The following PRAG1 variants were observed in gnomAD, a reference collection of about 807,000 sequenced individuals.
PRAG1 encodes the protein inactive tyrosine-protein kinase PRAG1.
In PRAG1, 110 loss-of-function variants were observed where a neutral mutation model predicts 95.6. That is an observed-to-expected ratio of 1.15 (90% CI 0.99 to 1.35). The LOEUF (loss-of-function observed/expected upper bound fraction) is 1.35, where lower values mean the gene tolerates loss of function less well. PRAG1 is among the 40% of genes most tolerant of loss of function. The pLI is 0.00. For synonymous variants in PRAG1, 1,052 were observed against 819.4 expected (o/e 1.28, Z -4.85); for missense variants, 2,554 against 1,864.7 (o/e 1.37, Z -6.81).
At chr8:8,352,011 G>A (rs1799536578) in intron 3 of PRAG1, among the ~76,000 whole-genome samples, 1 of 152,066 alleles carries the variant, frequency 6.6e-6, no homozygotes, top group African/African-American at 2.4e-5. Context: ...TGTGTTTCTA[G>A]ACTAATGGTT....
rs190117736 is a variant in PRAG1, at chr8:8,336,404, T to C, written c.2320+3074A>G. ...AAAACCTTCCCCTTGGCAGCCTTCA[T>C]GGATCTGTCCTGACACATGCAGTCT... On this transcript the variant is annotated intron_variant, in intron 4 of 5. Transcript: ENST00000615670. 5.3e-3 allele frequency among the ~76,000 whole-genome samples: 801 copies of C among 152,322 alleles called. 12 individuals carry two copies. Among genetic ancestry groups the C allele is most frequent in the Non-Finnish European group, 5.0e-3 (340 of 68,022 alleles).
intron 3 of PRAG1, among the ~76,000 whole-genome samples, chr8:8,365,964 T>TGAGAC (rs1799989443): frequency 6.6e-6 from 1 of 151,712 alleles, no homozygotes; most frequent in African/African-American, 2.4e-5. Flanking sequence ...GGTGACAGAG[T>TGAGAC]GAGACCCTGT....
intron 3 of PRAG1, among the ~76,000 whole-genome samples, chr8:8,365,813 C>T (rs906219355): frequency 2.0e-5 from 3 of 150,366 alleles, no homozygotes; most frequent in Non-Finnish European, 4.4e-5. Flanking sequence ...TATACACACA[C>T]ATATATATAT....
chr8:8,323,913 G>A (rs755276962), intron 5 of PRAG1, among the ~76,000 whole-genome samples: 4 of 152,296 alleles, frequency 2.6e-5, no homozygotes, highest in East Asian at 3.9e-4. Context: ...AAATTTGAGC[G>A]GGTAGATGAT....
At chr8:8,346,524 G>C (rs1799347835) in intron 3 of PRAG1, among the ~76,000 whole-genome samples, 1 of 152,178 alleles carries the variant, frequency 6.6e-6, no homozygotes, top group South Asian at 2.1e-4. Flanking sequence ...TCCTTAGAGA[G>C]AGGTCTTGCC....
In PRAG1 at chr8:8,377,016, C is replaced by T; in HGVS notation, c.1393G>A (p.Asp465Asn). Residue 465 changes from aspartate (D) to asparagine (N), a missense_variant, in exon 3 of 6, where the codon GAC becomes AAC. Asp to Asn is a conservative substitution (Grantham distance 23, BLOSUM62 1). Coordinates refer to ENST00000615670, the MANE Select transcript of PRAG1 (RefSeq NM_001080826.3). The part of the protein sequence containing the change: ...AASGWGRDSP[D>N]PTPQVSATIT... Reference sequence around the variant, plus strand: ...GTGGCTGACACCTGGGGAGTTGGGTCTGGGCTGTCCCGGCCCCAGCCAGAT... The same window carrying T: ...GTGGCTGACACCTGGGGAGTTGGGTTTGGGCTGTCCCGGCCCCAGCCAGAT... The T allele has an allele frequency of 1.2e-6, 2 of 1,613,890 alleles. No homozygotes were observed. Among genetic ancestry groups the T allele is most frequent in the Non-Finnish European group, 1.7e-6 (2 of 1,179,974 alleles).
At position 8,381,403 on chromosome 8, in the gene PRAG1, G is replaced by C. The variant is rs769641162; in HGVS notation, c.330+15C>G. ...CAGCCCCTGTAAAAATACCACGAGT[G>C]TTAGTCAGCCTCACCTGCGAGACTT... is the stretch of plus-strand genomic sequence containing the variant. On this transcript the variant is annotated intron_variant, in intron 2 of 5. Coordinates refer to ENST00000615670, the MANE Select transcript of PRAG1 (RefSeq NM_001080826.3). 6.3e-7 allele frequency: 1 copy of C among 1,594,140 alleles called. No individual in the cohort carries two copies. Among genetic ancestry groups the C allele is most frequent in the Non-Finnish European group, 8.6e-7 (1 of 1,165,504 alleles).
In PRAG1 at chr8:8,376,577, C is replaced by G. The variant is rs558954800; in HGVS notation, c.1832G>C (p.Arg611Thr). The G allele has an allele frequency of 8.4e-5, 135 of 1,607,014 alleles. 1 individual carries two copies. The South Asian group carries it at 1.4e-3, about 17-fold the overall frequency. Residue 611 changes from arginine to threonine, a missense_variant, in exon 3 of 6, where the codon AGG becomes ACG. Arg to Thr is a moderately conservative substitution (Grantham distance 71). Transcript: ENST00000615670. ...TNGVAISDPSRCPQPAASSAS... is the reference protein window; with the variant it reads ...TNGVAISDPSTCPQPAASSAS... Reference sequence around the variant, plus strand: ...TGACGAGGCGGCAGGCTGGGGACACCTGGATGGGTCACTGATAGCGACACC... The same window carrying G: ...TGACGAGGCGGCAGGCTGGGGACACGTGGATGGGTCACTGATAGCGACACC...
At chr8:8,359,874 A>G (rs979737812) in intron 3 of PRAG1, among the ~76,000 whole-genome samples, 22 of 152,110 alleles carry the variant, frequency 1.4e-4, no homozygotes, top group African/African-American at 5.3e-4. Context: ...CTTACTAACA[A>G]ATTGGTTCCT....
In PRAG1 at chr8:8,381,421, C is replaced by G; in HGVS notation, c.327G>C (p.Ser109=). 1 of 1,602,572 alleles carries G rather than the reference C, an allele frequency of 6.2e-7. No homozygotes were observed. The change falls in exon 2 of 6, where the codon TCG becomes TCC. Residue 109 remains serine (S), a synonymous_variant. Transcript: ENST00000615670. ...CACGAGTGTTAGTCAGCCTCACCTGCGAGACTTCGGCACTCAGGTTGGCCT... is the reference window on the plus strand; with the variant it reads ...CACGAGTGTTAGTCAGCCTCACCTGGGAGACTTCGGCACTCAGGTTGGCCT... ...WTEANLSAEV[S]QVIWRRAPGK...
chr8:8,326,794 C>T (rs1798648794), intron 5 of PRAG1, among the ~76,000 whole-genome samples: 1 of 152,136 alleles, frequency 6.6e-6, no homozygotes, highest in Admixed American at 6.5e-5. Context: ...TCCATTCCAG[C>T]CACCAACTAG....
chr8:8,329,135 G>T (rs1798741545), intron 4 of PRAG1, among the ~76,000 whole-genome samples: 3 of 152,156 alleles, frequency 2.0e-5, no homozygotes, highest in Admixed American at 2.0e-4. Flanking sequence ...GCTCATGCTT[G>T]TAATCCCAGC....
intron 3 of PRAG1, among the ~76,000 whole-genome samples, chr8:8,358,493 G>T (rs1799749357): frequency 6.6e-6 from 1 of 152,100 alleles, no homozygotes; most frequent in Non-Finnish European, 1.5e-5. Context: ...CTCTAATCTT[G>T]TCTTGGTTTT....
chr8:8,344,610 A>G (rs1434567361), intron 3 of PRAG1, among the ~76,000 whole-genome samples: 1 of 152,224 alleles, frequency 6.6e-6, no homozygotes. Context: ...TAATATTTGA[A>G]AAATCTTAGG....
At chr8:8,330,589 T>C (rs944001485) in intron 4 of PRAG1, among the ~76,000 whole-genome samples, 8 of 152,144 alleles carry the variant, frequency 5.3e-5, no homozygotes, top group Non-Finnish European at 7.4e-5. Flanking sequence ...GCAGTGGTGG[T>C]GCAGTCTGGA....
At chr8:8,363,416 C>CA (rs1799908523) in intron 3 of PRAG1, among the ~76,000 whole-genome samples, 1 of 152,148 alleles carries the variant, frequency 6.6e-6, no homozygotes, top group African/African-American at 2.4e-5. Flanking sequence ...ACACATGCTA[C>CA]AAGATGGATG....
rs532938913 is a variant in PRAG1, at chr8:8,366,092, A to G, written c.2162+10155T>C. On this transcript the variant is annotated intron_variant, in intron 3 of 5. Transcript: ENST00000615670. ...GTCTATAAAGGAAAATAATCCTTTA[A>G]ATAATGGGTAATAAACTTAATAGTA... Among the ~76,000 whole-genome samples, 9 of 152,346 alleles carry G rather than the reference A, an allele frequency of 5.9e-5. No homozygotes were observed. In the East Asian group the frequency reaches 1.3e-3, roughly 23 times the overall value.
chr8:8,383,132 C>A (rs375039206), intron 1 of PRAG1, among the ~76,000 whole-genome samples: 12 of 152,140 alleles, frequency 7.9e-5, no homozygotes, highest in East Asian at 7.7e-4. Flanking sequence ...GTCAACAGGA[C>A]TAACCAGGTG....
chr8:8,342,940 A>G (rs1016073458), intron 3 of PRAG1, among the ~76,000 whole-genome samples: 10 of 152,196 alleles, frequency 6.6e-5, no homozygotes, highest in Non-Finnish European at 1.2e-4. Flanking sequence ...CTCATAACAT[A>G]AAAGTCACCA....
Sources: allele counts gnomAD v4.1 joint callset (sites outside exome capture counted in the v4.1 genomes callset), GRCh38; gene constraint gnomAD v4.1.1; transcripts MANE v1.5; gene names NCBI Gene and HGNC (gene_info 2026-07-23, HGNC 2026-07-21).